Variants in NAV2 observed in about 807,000 individuals in gnomAD.
NAV2 encodes the protein helicase, APC down-regulated 1.
In NAV2, 54 loss-of-function variants were observed where a neutral mutation model predicts 223.2. That is an observed-to-expected ratio of 0.24 (90% CI 0.19 to 0.30). NAV2 has a LOEUF of 0.30. Among genes scored for constraint, NAV2 ranks in the 10% least tolerant of loss-of-function variants. NAV2 has a pLI of 1.00. For missense variants in NAV2, 2,806 were observed against 3,147.5 expected (o/e 0.89, Z 2.60); for synonymous variants, 1,279 against 1,239.3 (o/e 1.03, Z -0.67).
At chr11:19,443,122 T>G (rs1851464153) in intron 1 of NAV2, among the ~76,000 whole-genome samples, 1 of 152,206 alleles carries the variant, frequency 6.6e-6, no homozygotes, top group South Asian at 2.1e-4. Flanking sequence ...CACTTCCTTC[T>G]TCCTGAAGTC....
Position 19,784,313 on chromosome 11 carries a change from G to A in NAV2, c.268-48171G>A, listed in dbSNP as rs1054368913. On this transcript the variant is annotated intron_variant, in intron 1 of 37. Transcript: ENST00000349880. ...TGAGGCAGGAGAATCGCTTGAACCC[G>A]GGAGGTGGAGGTTGCGGTGAGCCAA... 5.4e-5 allele frequency among the ~76,000 whole-genome samples: 8 copies of A among 147,026 alleles called. No individual in the cohort carries two copies. In the South Asian group the frequency reaches 1.3e-3, roughly 24 times the overall value.
At chr11:19,764,164 G>C (rs919333276) in intron 1 of NAV2, among the ~76,000 whole-genome samples, 2 of 152,186 alleles carry the variant, frequency 1.3e-5, no homozygotes, top group African/African-American at 4.8e-5. Flanking sequence ...CTTAGAGGAA[G>C]CATTCCTGGA....
chr11:19,616,355 C>T (rs1477575030), intron 1 of NAV2, among the ~76,000 whole-genome samples: 1 of 146,940 alleles, frequency 6.8e-6, no homozygotes. Flanking sequence ...TGATCTGTGG[C>T]TCTCTGGGCT....
chr11:19,575,638 C>G (rs2063993092), intron 1 of NAV2, among the ~76,000 whole-genome samples: 1 of 152,232 alleles, frequency 6.6e-6, no homozygotes. Flanking sequence ...TTCACCTTTT[C>G]TTCCCCATTC....
At chr11:19,379,039 G>A (rs2133913725) in intron 1 of NAV2, among the ~76,000 whole-genome samples, 1 of 152,356 alleles carries the variant, frequency 6.6e-6, no homozygotes, top group Middle Eastern at 3.4e-3. Flanking sequence ...TCCCCAGTGT[G>A]TGCAGGGGCA....
intron 1 of NAV2, among the ~76,000 whole-genome samples, chr11:19,691,895 T>TAA (rs1352656275): frequency 6.6e-6 from 1 of 152,226 alleles, no homozygotes; most frequent in Non-Finnish European, 1.5e-5. Flanking sequence ...AATGCACAGC[T>TAA]AAATGCTTGA....
intron 1 of NAV2, among the ~76,000 whole-genome samples, chr11:19,394,351 C>G (rs1379620541): frequency 6.6e-6 from 1 of 152,176 alleles, no homozygotes; most frequent in African/African-American, 2.4e-5. Flanking sequence ...AACCACAACT[C>G]CAAAAGAGAC....
upstream of NAV2, among the ~76,000 whole-genome samples, chr11:19,349,936 G>A (rs1045021229): frequency 2.6e-5 from 4 of 152,154 alleles, no homozygotes; most frequent in South Asian, 2.1e-4. Flanking sequence ...AGACAATCTC[G>A]GCTGCTCTTT....
At chr11:19,438,090 G>A (rs974680014) in intron 1 of NAV2, among the ~76,000 whole-genome samples, 4 of 152,150 alleles carry the variant, frequency 2.6e-5, no homozygotes, top group African/African-American at 7.2e-5. Flanking sequence ...TTTGACTCTG[G>A]CCTCACCTGA....
intron 11 of NAV2, among the ~76,000 whole-genome samples, chr11:20,020,166 A>G (rs1264576248): frequency 6.6e-6 from 1 of 152,166 alleles, no homozygotes; most frequent in Non-Finnish European, 1.5e-5. Context: ...ATCTTTTTAG[A>G]TTTGTGGTTT....
At chr11:19,444,143 A>G (rs191107171) in intron 1 of NAV2, among the ~76,000 whole-genome samples, 3 of 152,232 alleles carry the variant, frequency 2.0e-5, no homozygotes, top group Non-Finnish European at 4.4e-5. Context: ...AGGTTTCACC[A>G]TCTTGGGCAG....
At chr11:19,559,185 A>G in intron 1 of NAV2, among the ~76,000 whole-genome samples, 1 of 152,234 alleles carries the variant, frequency 6.6e-6, no homozygotes, top group Non-Finnish European at 1.5e-5. Context: ...GCACACAGAA[A>G]GTCCTCCATA....
At chr11:19,653,464 T>C (rs966386888) in intron 1 of NAV2, among the ~76,000 whole-genome samples, 35 of 152,224 alleles carry the variant, frequency 2.3e-4, no homozygotes, top group African/African-American at 8.0e-4. Flanking sequence ...TATTCCTCAC[T>C]GTACCCAGAG....
intron 7 of NAV2, among the ~76,000 whole-genome samples, chr11:19,936,674 G>A (rs747597335): frequency 1.3e-5 from 2 of 152,166 alleles, no homozygotes; most frequent in African/African-American, 2.4e-5. Context: ...TGAGGTCTTC[G>A]GCACTGGCTG....
chr11:19,841,851 A>G (rs533764034), intron 2 of NAV2, among the ~76,000 whole-genome samples: 1 of 152,222 alleles, frequency 6.6e-6, no homozygotes, highest in Non-Finnish European at 1.5e-5. Flanking sequence ...CATTTAGAGA[A>G]TACTTACTAC....
chr11:20,047,673 G>T (rs2057581829), intron 14 of NAV2, among the ~76,000 whole-genome samples: 1 of 152,166 alleles, frequency 6.6e-6, no homozygotes, highest in Non-Finnish European at 1.5e-5. Flanking sequence ...CAGGCACAAA[G>T]TGTTTCCTTT....
At chr11:19,625,992 C>T (rs2047159156) in intron 1 of NAV2, among the ~76,000 whole-genome samples, 1 of 152,002 alleles carries the variant, frequency 6.6e-6, no homozygotes, top group Admixed American at 6.6e-5. Context: ...TATATTTTTA[C>T]TTTGTTGATT....
intron 1 of NAV2, among the ~76,000 whole-genome samples, chr11:19,452,365 G>T (rs1023001396): frequency 6.6e-6 from 1 of 152,144 alleles, no homozygotes; most frequent in Non-Finnish European, 1.5e-5. Flanking sequence ...TGACAGGTTG[G>T]GAAGATGACC....
At chr11:19,859,876 C>G (rs1198043887) in intron 3 of NAV2, among the ~76,000 whole-genome samples, 4 of 134,788 alleles carry the variant, frequency 3.0e-5, no homozygotes, top group African/African-American at 2.8e-5. Flanking sequence ...GGGCTGACCC[C>G]CCCACCTCCC....
Sources: allele counts gnomAD v4.1 joint callset (sites outside exome capture counted in the v4.1 genomes callset), GRCh38; gene constraint gnomAD v4.1.1; transcripts MANE v1.5; gene names NCBI Gene and HGNC (gene_info 2026-07-23, HGNC 2026-07-21).